Variants in HMCN1 observed in about 807,000 individuals in gnomAD.
HMCN1 encodes hemicentin-1.
HMCN1 carries 321 observed loss-of-function variants against 625.9 expected under a neutral mutation model. The observed-to-expected ratio is 0.51, with a 90% confidence interval of 0.47 to 0.56. HMCN1 has a LOEUF of 0.56. Ranked by LOEUF, HMCN1 falls within the 20% of genes least tolerant of loss-of-function variation. The probability of loss-of-function intolerance (pLI) is 0.00; values close to 1 mark genes in which losing one functional copy is unlikely to be tolerated. For missense variants in HMCN1, 6,588 were observed against 6,887.3 expected (o/e 0.96, Z 1.54); for synonymous variants, 2,425 against 2,417.6 (o/e 1.00, Z -0.09).
chr1:185,976,277 G>T (rs11589455), intron 15 of HMCN1, among the ~76,000 whole-genome samples: 6,004 of 152,226 alleles, frequency 0.039, 264 homozygotes, highest in African/African-American at 0.1. Context: ...GTGGGAGATG[G>T]TAATAACAAG....
At chr1:185,878,812 A>T (rs1664112750) in intron 4 of HMCN1, among the ~76,000 whole-genome samples, 1 of 152,116 alleles carries the variant, frequency 6.6e-6, no homozygotes, top group Non-Finnish European at 1.5e-5. Flanking sequence ...GAATGAATGG[A>T]TCTTACTGCT....
At chr1:185,993,109 C>A (rs1652543907) in intron 22 of HMCN1, 73 bp from the exon 23 acceptor site, 6 of 1,436,740 alleles carry the variant, frequency 4.2e-6, no homozygotes, top group Non-Finnish European at 5.9e-6. Flanking sequence ...TAATTTCATA[C>A]TGAAGTGTAG....
intron 103 of HMCN1, chr1:186,176,861 G>C (rs1341247073): frequency 6.6e-6 from 1 of 152,418 alleles, no homozygotes; most frequent in Non-Finnish European, 1.5e-5. Flanking sequence ...CAGCCTCTCT[G>C]AGAGACTGGA....
chr1:186,152,472 A>G (rs761028942), intron 95 of HMCN1, among the ~76,000 whole-genome samples: 1 of 152,214 alleles, frequency 6.6e-6, no homozygotes, highest in Non-Finnish European at 1.5e-5. Flanking sequence ...ATTCATTTTT[A>G]TAAGAGTGCT....
Position 185,933,837 on chromosome 1 carries a change from G to T in HMCN1, c.1828+13G>T, listed in dbSNP as rs1194090526. 1 of 1,611,490 alleles carries T rather than the reference G, an allele frequency of 6.2e-7. No homozygotes were observed. The highest frequency in any genetic ancestry group is 1.3e-5 in the African/African-American group (1 of 74,840). ...CTCACAGTGCAAGGTACAGTGCTTT[G>T]GTAACTTCTGAATTATGACATCTTT... On this transcript the variant is annotated intron_variant, in intron 11 of 106. Transcript: ENST00000271588.
rs1652867859 is a variant in HMCN1, at chr1:185,997,427, A to G, written c.3779-2A>G. The G allele has an allele frequency of 6.2e-7, 1 of 1,601,228 alleles. No homozygotes were observed. On this transcript the variant is annotated splice_acceptor_variant, in intron 24 of 106. Transcript: ENST00000271588. LOFTEE classifies it high-confidence loss of function. ...GTGATAATGCATTTATTTTCCTAATAGAACCACCCACAGTGGAAGATCTAG... is the reference window on the plus strand; with the variant it reads ...GTGATAATGCATTTATTTTCCTAATGGAACCACCCACAGTGGAAGATCTAG...
intron 89 of HMCN1, among the ~76,000 whole-genome samples, chr1:186,141,904 T>C (rs970325174): frequency 2.0e-5 from 3 of 152,210 alleles, no homozygotes; most frequent in African/African-American, 4.8e-5. Flanking sequence ...TGTGCTCCTC[T>C]ACCCTGCCAT....
chr1:185,879,030 C>T (rs1344957625), intron 4 of HMCN1, among the ~76,000 whole-genome samples: 6 of 152,182 alleles, frequency 3.9e-5, no homozygotes, highest in Non-Finnish European at 8.8e-5. Flanking sequence ...TATCCAGGCT[C>T]AAGTGGCCTG....
chr1:186,041,028 C>T lies in HMCN1; in HGVS notation c.6196C>T (p.Arg2066Ter), dbSNP rs1656169103. 1 of 1,612,670 alleles carries T rather than the reference C, an allele frequency of 6.2e-7. No individual in the cohort carries two copies. Among genetic ancestry groups the T allele is most frequent in the Non-Finnish European group, 8.5e-7 (1 of 1,179,136 alleles). Residue 2066 changes from arginine (R) to a stop codon, truncating the protein, a stop_gained, in exon 40 of 107, where the codon CGA becomes TGA. Coordinates refer to ENST00000271588, the MANE Select transcript of HMCN1 (RefSeq NM_031935.3). LOFTEE classifies it high-confidence loss of function. The part of the protein sequence containing the change: ...SNGLQVLSGG[R>*]ILALTSAQIS... ...CCATTGATAGGTTCTCTCTGGTGGT[C>T]GAATCCTAGCATTGACCAGTGCACA...
At chr1:185,777,449 T>G (rs1040176452) in intron 1 of HMCN1, among the ~76,000 whole-genome samples, 2 of 151,978 alleles carry the variant, frequency 1.3e-5, no homozygotes, top group Admixed American at 1.3e-4. Context: ...ATGCTTGCTT[T>G]CTTTTTCTTT....
intron 4 of HMCN1, among the ~76,000 whole-genome samples, chr1:185,895,073 T>C (rs190103466): frequency 6.8e-6 from 1 of 147,896 alleles, no homozygotes; most frequent in Non-Finnish European, 1.5e-5. Flanking sequence ...ATTTTGTTGA[T>C]TACTTCCTTA....
intron 1 of HMCN1, among the ~76,000 whole-genome samples, chr1:185,777,664 A>T (rs1333250879): frequency 1.3e-5 from 2 of 152,028 alleles, no homozygotes; most frequent in Non-Finnish European, 2.9e-5. Flanking sequence ...GTTGGCAAGG[A>T]TGGTCTCGAT....
At chr1:185,857,717 T>C (rs545002051) in intron 2 of HMCN1, among the ~76,000 whole-genome samples, 314 of 152,272 alleles carry the variant, frequency 2.1e-3, no homozygotes, top group Non-Finnish European at 3.0e-3. Context: ...GTATGTTAAG[T>C]GTACCTCGAA....
chr1:185,972,560 G>T (rs1474453328), intron 15 of HMCN1, among the ~76,000 whole-genome samples: 2 of 152,060 alleles, frequency 1.3e-5, no homozygotes, highest in Non-Finnish European at 2.9e-5. Context: ...TCTAGTAATT[G>T]TCCTGACAGA....
At chr1:185,974,000 T>A (rs1651021769) in intron 15 of HMCN1, among the ~76,000 whole-genome samples, 1 of 152,198 alleles carries the variant, frequency 6.6e-6, no homozygotes, top group Non-Finnish European at 1.5e-5. Flanking sequence ...CTAAGGGAAC[T>A]AGAATAATTT....
At chr1:186,078,033 A>C (rs1483272317) in intron 54 of HMCN1, 74 bp from the exon 55 acceptor site, 1 of 1,149,676 alleles carries the variant, frequency 8.7e-7, no homozygotes, top group Non-Finnish European at 1.3e-6. Context: ...ATTAGACCTG[A>C]AAATTTGTAT....
At chr1:186,184,355 A>G (rs1653144616) in intron 105 of HMCN1, among the ~76,000 whole-genome samples, 1 of 152,196 alleles carries the variant, frequency 6.6e-6, no homozygotes, top group African/African-American at 2.4e-5. Flanking sequence ...ATTTTTTGAA[A>G]GATTTAGAAA....
intron 6 of HMCN1, among the ~76,000 whole-genome samples, chr1:185,919,915 G>A (rs1484474680): frequency 3.3e-5 from 5 of 152,158 alleles, no homozygotes; most frequent in Non-Finnish European, 2.9e-5. Context: ...GCACATTAGT[G>A]CTTTTTTCTC....
chr1:185,990,355 G>A lies in HMCN1; in HGVS notation c.3289G>A (p.Val1097Ile). Reference protein sequence around the residue: ...VEISVLAGEEVTLPCEVKSLP... With the variant: ...VEISVLAGEEITLPCEVKSLP... ...GATCTCCGTCCTTGCAGGGGAAGAG[G>A]TAACACTTCCATGTGAAGTGAAGAG... Residue 1097 changes from valine to isoleucine, a missense_variant, in exon 22 of 107, where the codon GTA (valine) becomes ATA (isoleucine). Val to Ile is a conservative substitution (Grantham distance 29). Coordinates refer to ENST00000271588, the MANE Select transcript of HMCN1 (RefSeq NM_031935.3). The A allele has an allele frequency of 6.2e-7, 1 of 1,611,948 alleles. No homozygotes were observed. The highest frequency in any genetic ancestry group is 8.5e-7 in the Non-Finnish European group (1 of 1,178,018).
Sources: gnomAD v4.1 joint callset for allele counts (sites outside exome capture counted in the v4.1 genomes callset) on GRCh38, gnomAD v4.1.1 for gene constraint, MANE v1.5 for transcripts, NCBI Gene and HGNC (gene_info 2026-07-23, HGNC 2026-07-21) for gene names.